Variants in HMGCLL1 observed in about 807,000 individuals in gnomAD.
The protein encoded by HMGCLL1 is 3-hydroxymethyl-3-methylglutaryl-CoA lyase, cytoplasmic.
A neutral mutation model predicts 39.1 loss-of-function variants in HMGCLL1; 36 were observed. The ratio of observed to expected loss-of-function variants is 0.92; its 90% CI spans 0.71 to 1.22. The LOEUF is 1.22. Ranked by LOEUF, HMGCLL1 falls within the 50% of genes most tolerant of loss-of-function variation. The probability of loss-of-function intolerance (pLI) is 0.00; values close to 1 mark genes in which losing one functional copy is unlikely to be tolerated. For synonymous variants in HMGCLL1, 149 were observed against 144.0 expected (o/e 1.03, Z -0.25); for missense variants, 451 against 416.5 (o/e 1.08, Z -0.72).
chr6:55,465,974 A>G (rs1215979426), intron 7 of HMGCLL1, among the ~76,000 whole-genome samples: 1 of 152,068 alleles, frequency 6.6e-6, no homozygotes, highest in Admixed American at 6.6e-5. Context: ...TTATTGTATA[A>G]GGATATTACT....
chr6:55,495,442 C>T lies in HMGCLL1; in HGVS notation c.772G>A (p.Ala258Thr). The T allele has an allele frequency of 6.2e-7, 1 of 1,613,830 alleles. No homozygotes were observed. The highest frequency in any genetic ancestry group is 8.5e-7 in the Non-Finnish European group (1 of 1,179,864). The change falls in exon 7 of 9, where the codon GCA becomes ACA. Residue 258 changes from alanine (A) to threonine (T), a missense_variant. Ala to Thr is a moderately conservative substitution (Grantham distance 58). Transcript: ENST00000274901. ...HCHDTYGQALANILTALQMGI... is the reference protein window; with the variant it reads ...HCHDTYGQALTNILTALQMGI... ...ACCTGAAGGGCCGTAAGGATATTTG[C>T]TAAGGCTTGTCCGTATGTGTCATGA...
the HMGCLL1 span, among the ~76,000 whole-genome samples, chr6:55,613,471 T>C: frequency 1.3e-5 from 2 of 152,166 alleles, no homozygotes; most frequent in African/African-American, 2.4e-5. Context: ...TATAAATCAT[T>C]CTATTATAAA....
At chr6:55,534,174 T>A (rs1157911524) in intron 3 of HMGCLL1, among the ~76,000 whole-genome samples, 1 of 152,216 alleles carries the variant, frequency 6.6e-6, no homozygotes, top group East Asian at 1.9e-4. Flanking sequence ...ATTTGGGAGT[T>A]TTTTGTTTAT....
chr6:55,550,746 G>A (rs1275764717), intron 1 of HMGCLL1, among the ~76,000 whole-genome samples: 1 of 151,566 alleles, frequency 6.6e-6, no homozygotes, highest in East Asian at 1.9e-4. Flanking sequence ...ATATTCACTC[G>A]TTCTCATTCA....
At chr6:55,589,964 A>G in the HMGCLL1 span, among the ~76,000 whole-genome samples, 3 of 152,162 alleles carry the variant, frequency 2.0e-5, no homozygotes, top group Admixed American at 1.3e-4. Flanking sequence ...TATCGTGAAA[A>G]TGGCCATACT....
the HMGCLL1 span, among the ~76,000 whole-genome samples, chr6:55,651,601 C>T: frequency 6.6e-6 from 1 of 152,068 alleles, no homozygotes; most frequent in Non-Finnish European, 1.5e-5. Context: ...TGGTTTCTCC[C>T]TAGGTCATGT....
the HMGCLL1 span, among the ~76,000 whole-genome samples, chr6:55,613,111 A>C: frequency 2.6e-5 from 4 of 152,230 alleles, no homozygotes; most frequent in African/African-American, 9.6e-5. Flanking sequence ...CAAGAAAAAA[A>C]ACTCCATCAA....
At chr6:55,673,330 G>A in the HMGCLL1 span, among the ~76,000 whole-genome samples, 14 of 151,942 alleles carry the variant, frequency 9.2e-5, no homozygotes, top group East Asian at 3.9e-4. Context: ...TATCAGCCTC[G>A]GCTTGCAAGC....
intron 3 of HMGCLL1, among the ~76,000 whole-genome samples, chr6:55,519,269 G>A (rs1346372308): frequency 6.6e-6 from 1 of 152,010 alleles, no homozygotes; most frequent in East Asian, 1.9e-4. Flanking sequence ...CAACTCTCAG[G>A]TAATTGTGAG....
the HMGCLL1 span, among the ~76,000 whole-genome samples, chr6:55,620,700 G>A: frequency 2.6e-5 from 4 of 151,712 alleles, no homozygotes; most frequent in African/African-American, 7.3e-5. Context: ...GTACTGGAAA[G>A]TTTCTCCAAT....
the HMGCLL1 span, among the ~76,000 whole-genome samples, chr6:55,628,682 T>C: frequency 1.3e-5 from 2 of 152,104 alleles, no homozygotes; most frequent in Admixed American, 1.3e-4. Flanking sequence ...CCAAATCTCA[T>C]CTTGAATTCC....
intron 7 of HMGCLL1, among the ~76,000 whole-genome samples, chr6:55,494,984 AT>A (rs1766498387): frequency 6.6e-6 from 1 of 152,190 alleles, no homozygotes; most frequent in African/African-American, 2.4e-5. Context: ...AATATACTAT[AT>A]TTCAGCACCA....
rs879736166 is a variant in HMGCLL1, at chr6:55,510,802, A to AAT, written c.542+3244_542+3245dup. Among the ~76,000 whole-genome samples, 1,173 of 148,836 alleles carry AAT rather than the reference A, an allele frequency of 7.9e-3. 12 individuals are homozygous for AAT. The highest frequency in any genetic ancestry group is 0.025 in the Middle Eastern group (7 of 282). On this transcript the variant is annotated intron_variant, in intron 5 of 8. Transcript: ENST00000274901. ...AACTTAAAGTATAATAATAATAATA[A>AAT]ATATATATATATATACAAACCTGCT...
the HMGCLL1 span, among the ~76,000 whole-genome samples, chr6:55,631,623 T>C: frequency 1.3e-5 from 2 of 152,138 alleles, no homozygotes; most frequent in Admixed American, 1.3e-4. Context: ...TAGAGCGCAC[T>C]GTTTCTAGAA....
At chr6:55,503,696 T>C (rs1767012451) in intron 5 of HMGCLL1, among the ~76,000 whole-genome samples, 1 of 151,706 alleles carries the variant, frequency 6.6e-6, no homozygotes, top group Admixed American at 6.6e-5. Flanking sequence ...ATGTCTGAAG[T>C]GGTCATCGTC....
At chr6:55,654,283 C>T in the HMGCLL1 span, among the ~76,000 whole-genome samples, 6 of 151,474 alleles carry the variant, frequency 4.0e-5, no homozygotes, top group African/African-American at 1.5e-4. Flanking sequence ...AATTTTTGAA[C>T]ACTCACAAAT....
chr6:55,635,636 T>A, the HMGCLL1 span, among the ~76,000 whole-genome samples: 2 of 152,154 alleles, frequency 1.3e-5, no homozygotes, highest in Non-Finnish European at 2.9e-5. Flanking sequence ...TCGCTTAAGT[T>A]TGTGGAGAAG....
At chr6:55,461,660 C>A (rs1163819477) in intron 7 of HMGCLL1, among the ~76,000 whole-genome samples, 1 of 151,944 alleles carries the variant, frequency 6.6e-6, no homozygotes, top group Non-Finnish European at 1.5e-5. Flanking sequence ...GACAAGGTAA[C>A]CATGATGTTA....
intron 7 of HMGCLL1, among the ~76,000 whole-genome samples, chr6:55,469,192 A>C (rs145615316): frequency 1.5e-4 from 23 of 151,152 alleles, no homozygotes; most frequent in African/African-American, 5.3e-4. Context: ...ACAAAAAGAA[A>C]AACCTACAAG....
Sources: allele counts gnomAD v4.1 joint callset (sites outside exome capture counted in the v4.1 genomes callset), GRCh38; gene constraint gnomAD v4.1.1; transcripts MANE v1.5; gene names NCBI Gene and HGNC (gene_info 2026-07-23, HGNC 2026-07-21).